Variants in ZFPM2 observed in about 807,000 individuals in gnomAD.
ZFPM2 encodes the protein zinc finger protein, FOG family member 2.
In ZFPM2, 20 loss-of-function variants were observed where a neutral mutation model predicts 98.6. That is an observed-to-expected ratio of 0.20 (90% CI 0.14 to 0.29). The LOEUF is 0.29. ZFPM2 is among the 10% of genes least tolerant of loss of function. ZFPM2 has a pLI of 1.00. For synonymous variants in ZFPM2, 518 were observed against 502.7 expected, an observed-to-expected ratio of 1.03 and a Z score of -0.41; for missense variants, 1,310 against 1,388.6, an observed-to-expected ratio of 0.94 and a Z score of 0.90.
intron 3 of ZFPM2, among the ~76,000 whole-genome samples, chr8:105,497,054 G>C (rs1813484835): frequency 6.7e-6 from 1 of 150,196 alleles, no homozygotes; most frequent in African/African-American, 2.4e-5. Context: ...GGCGAGATCT[G>C]GGCTCACTGT....
At chr8:105,536,815 C>T (rs928814416) in intron 3 of ZFPM2, among the ~76,000 whole-genome samples, 2 of 152,100 alleles carry the variant, frequency 1.3e-5, no homozygotes, top group Non-Finnish European at 2.9e-5. Context: ...TAGGAGAGTT[C>T]TGGAATGCAT....
chr8:105,443,437 C>A (rs754679087), intron 2 of ZFPM2, among the ~76,000 whole-genome samples: 2 of 151,020 alleles, frequency 1.3e-5, no homozygotes, highest in Non-Finnish European at 2.9e-5. Context: ...ATTTTATTAC[C>A]ATTTATGGCA....
At chr8:105,462,967 G>A (rs1409418270) in intron 3 of ZFPM2, among the ~76,000 whole-genome samples, 1 of 151,946 alleles carries the variant, frequency 6.6e-6, no homozygotes, top group Non-Finnish European at 1.5e-5. Flanking sequence ...ATTTAGTCAG[G>A]TGCTCCTTAT....
chr8:105,523,119 C>T (rs1412387071), intron 3 of ZFPM2, among the ~76,000 whole-genome samples: 2 of 152,110 alleles, frequency 1.3e-5, no homozygotes, highest in Admixed American at 6.6e-5. Flanking sequence ...ACCTGTCTTA[C>T]ATATTTTTTT....
chr8:105,760,952 A>G (rs1464071254), intron 5 of ZFPM2, among the ~76,000 whole-genome samples: 1 of 152,044 alleles, frequency 6.6e-6, no homozygotes, highest in Admixed American at 6.6e-5. Flanking sequence ...ATATTGTGTC[A>G]TCTTACAGAG....
At chr8:105,696,086 G>T (rs1811010835) in intron 5 of ZFPM2, among the ~76,000 whole-genome samples, 1 of 152,188 alleles carries the variant, frequency 6.6e-6, no homozygotes, top group Admixed American at 6.5e-5. Context: ...CATCCCTGCT[G>T]TGAACATAAC....
intron 4 of ZFPM2, among the ~76,000 whole-genome samples, chr8:105,610,455 T>C (rs1158334501): frequency 6.6e-6 from 1 of 152,150 alleles, no homozygotes; most frequent in Non-Finnish European, 1.5e-5. Flanking sequence ...TCTTTACCTT[T>C]AACTTTTACT....
intron 1 of ZFPM2, among the ~76,000 whole-genome samples, chr8:105,396,254 A>C (rs1385361773): frequency 1.3e-5 from 2 of 152,194 alleles, no homozygotes; most frequent in East Asian, 1.9e-4. Flanking sequence ...ATACATGTGA[A>C]TATGCAAACA....
chr8:105,432,637 T>A (rs1053379797), intron 2 of ZFPM2, among the ~76,000 whole-genome samples: 5 of 152,184 alleles, frequency 3.3e-5, no homozygotes, highest in African/African-American at 1.2e-4. Flanking sequence ...CCATAAGGTG[T>A]TACTGTGTCT....
At chr8:105,788,596 C>T in intron 5 of ZFPM2, 122 bp from the exon 6 acceptor site, 1 of 934,624 alleles carries the variant, frequency 1.1e-6, no homozygotes. Context: ...CTTGATCAAA[C>T]ACTCCACTCC....
intron 4 of ZFPM2, among the ~76,000 whole-genome samples, chr8:105,575,841 A>C (rs1359467528): frequency 6.6e-6 from 1 of 152,194 alleles, no homozygotes; most frequent in South Asian, 2.1e-4. Context: ...TGAAATATGA[A>C]GCTATCTTTC....
chr8:105,497,642 A>G (rs185803257), intron 3 of ZFPM2, among the ~76,000 whole-genome samples: 1 of 152,298 alleles, frequency 6.6e-6, no homozygotes, highest in Non-Finnish European at 1.5e-5. Flanking sequence ...TATATTAAGA[A>G]TTAGCTTTTT....
chr8:105,520,781 A>G (rs1271329975), intron 3 of ZFPM2, among the ~76,000 whole-genome samples: 5 of 152,072 alleles, frequency 3.3e-5, no homozygotes, highest in Non-Finnish European at 7.3e-5. Context: ...AGTAATTGAT[A>G]GAGAGATATT....
intron 1 of ZFPM2, among the ~76,000 whole-genome samples, chr8:105,404,659 C>T (rs1811406192): frequency 6.6e-6 from 1 of 152,028 alleles, no homozygotes; most frequent in Non-Finnish European, 1.5e-5. Flanking sequence ...CAACTTTCCC[C>T]AACATACATA....
At chr8:105,796,845 T>G (rs1445858982) in intron 6 of ZFPM2, 1 of 152,238 alleles carries the variant, frequency 6.6e-6, no homozygotes, top group Non-Finnish European at 1.5e-5. Context: ...CATTTTTATC[T>G]GGCATCCCTC....
chr8:105,802,394 C>G lies in ZFPM2; in HGVS notation c.2312C>G (p.Thr771Ser). Residue 771 changes from threonine (T) to serine (S), a missense_variant, in exon 8 of 8, where the codon ACC becomes AGC. Coordinates refer to ENST00000407775, the MANE Select transcript of ZFPM2 (RefSeq NM_012082.4). ...GTAGCCAACCTCAATAATCCTTGTA[C>G]CTCCACTCAAGAACCCACAGAAGGG... ...LDVANLNNPC[T>S]STQEPTEGLG... 5 of 1,613,720 alleles carry G rather than the reference C, an allele frequency of 3.1e-6. No homozygotes were observed. The highest frequency in any genetic ancestry group is 4.2e-6 in the Non-Finnish European group (5 of 1,179,856).
chr8:105,496,037 A>G (rs1460394911), intron 3 of ZFPM2, among the ~76,000 whole-genome samples: 8 of 152,236 alleles, frequency 5.3e-5, no homozygotes, highest in African/African-American at 1.2e-4. Flanking sequence ...CATGGATACA[A>G]TGCTATTAAC....
At chr8:105,405,087 G>A (rs534208380) in intron 1 of ZFPM2, among the ~76,000 whole-genome samples, 19 of 152,014 alleles carry the variant, frequency 1.2e-4, no homozygotes, top group Admixed American at 7.9e-4. Flanking sequence ...CTGTTCACAC[G>A]TGGAAACAAG....
chr8:105,320,283 TG>T (rs1812000799), intron 1 of ZFPM2, among the ~76,000 whole-genome samples: 2 of 151,796 alleles, frequency 1.3e-5, no homozygotes, highest in South Asian at 4.2e-4. Flanking sequence ...TGTGTGTGTG[TG>T]TGTGTGTGTG....
Sources: gnomAD v4.1 joint callset for allele counts (sites outside exome capture counted in the v4.1 genomes callset) on GRCh38, gnomAD v4.1.1 for gene constraint, MANE v1.5 for transcripts, NCBI Gene and HGNC (gene_info 2026-07-23, HGNC 2026-07-21) for gene names.